The following ACKR3 variants were observed in gnomAD, a reference collection of about 807,000 sequenced individuals.
ACKR3 encodes the protein atypical chemokine receptor 3, also known as C-X-C chemokine receptor type 7.
A neutral mutation model predicts 22.4 loss-of-function variants in ACKR3; 6 were observed. The observed-to-expected ratio is 0.27, with a 90% confidence interval of 0.15 to 0.53. The LOEUF (loss-of-function observed/expected upper bound fraction) is 0.53, where lower values mean the gene tolerates loss of function less well. Ranked by LOEUF, ACKR3 falls within the 20% of genes least tolerant of loss-of-function variation. The pLI is 0.96. For missense variants in ACKR3, 396 were observed against 475.2 expected (o/e 0.83, Z 1.55); for synonymous variants, 209 against 205.2 (o/e 1.02, Z -0.16).
chr2:236,563,482 C>A (rs1020704408), upstream of ACKR3, among the ~76,000 whole-genome samples: 1 of 152,152 alleles, frequency 6.6e-6, no homozygotes, highest in East Asian at 1.9e-4. Context: ...TGGGAAGATT[C>A]TTTGGTTAGA....
rs1691414508 is a variant in ACKR3 at position 236,576,523 on chromosome 2, GT to G, written c.-26-3914del. Among the ~76,000 whole-genome samples, 4 of 152,344 alleles carry G rather than the reference GT, an allele frequency of 2.6e-5. No individual in the cohort carries two copies. The South Asian group carries it at 8.3e-4, about 32-fold the overall frequency. On this transcript the variant is annotated intron_variant, in intron 1 of 1. Coordinates refer to ENST00000272928, the MANE Select transcript of ACKR3 (RefSeq NM_020311.3). The stretch of plus-strand genomic sequence containing the variant: ...AGGGGCCCTGGGTACACATTTCATA[GT>G]TTGCTCTATGAAGCTTTTGTTCCTA...
At chr2:236,544,938 T>G in the ACKR3 span, among the ~76,000 whole-genome samples, 1 of 152,154 alleles carries the variant, frequency 6.6e-6, no homozygotes, top group Non-Finnish European at 1.5e-5. The surrounding 1 kb of genome is among the most constrained non-coding windows in gnomAD (Gnocchi z 5.0). Flanking sequence ...CTTGGATATA[T>G]TTGTAGAAAA....
At chr2:236,549,983 C>T in the ACKR3 span, among the ~76,000 whole-genome samples, 1 of 152,176 alleles carries the variant, frequency 6.6e-6, no homozygotes, top group African/African-American at 2.4e-5. This position sits in a 1 kb window ranked among gnomAD's most constrained non-coding sequence, Gnocchi z 5.3. Context: ...CTGTGAGGGC[C>T]TATGCTAAGG....
At chr2:236,568,080 G>A (rs567442157), upstream of ACKR3, among the ~76,000 whole-genome samples, 1 of 152,238 alleles carries the variant, frequency 6.6e-6, no homozygotes, top group Non-Finnish European at 1.5e-5. Flanking sequence ...AAAAAACTGC[G>A]TTGCCTTTTC....
rs147358005 is a variant in ACKR3 at position 236,580,988 on chromosome 2, G to A, written c.523G>A (p.Val175Met). The A allele has an allele frequency of 2.5e-4, 405 of 1,613,974 alleles. 1 individual carries two copies. The highest frequency in any genetic ancestry group is 3.0e-4 in the Non-Finnish European group (354 of 1,180,044). The change falls in exon 2 of 2, where the codon GTG becomes ATG. Residue 175 changes from valine (V) to methionine (M), a missense_variant. Transcript: ENST00000272928. ...CILVWLLAFC[V>M]SLPDTYYLKT... ...CCTGGTGTGGCTGCTGGCCTTCTGC[G>A]TGTCTCTGCCTGACACCTACTACCT...
chr2:236,562,669 C>T, the ACKR3 span, among the ~76,000 whole-genome samples: 9 of 151,776 alleles, frequency 5.9e-5, no homozygotes, highest in South Asian at 4.2e-4. Flanking sequence ...TAGACTGCAA[C>T]GAGATAAGTT....
intron 1 of ACKR3, among the ~76,000 whole-genome samples, chr2:236,573,820 C>A (rs1691355525): frequency 6.6e-6 from 1 of 152,210 alleles, no homozygotes; most frequent in Admixed American, 6.5e-5. Context: ...CTAGACTGTC[C>A]TGGCTCCTGC....
At chr2:236,580,294 C>T in intron 1 of ACKR3, 146 bp from the exon 2 acceptor site, 8 of 735,476 alleles carry the variant, frequency 1.1e-5, no homozygotes, top group African/African-American at 1.8e-5. Flanking sequence ...TTTTTTTCTC[C>T]CTTCTTTGCA....
chr2:236,560,890 G>T, the ACKR3 span, among the ~76,000 whole-genome samples: 6 of 152,268 alleles, frequency 3.9e-5, no homozygotes, highest in African/African-American at 1.4e-4. Context: ...AGTATCCAAG[G>T]TAAGGAAACA....
chr2:236,553,382 T>C, the ACKR3 span, among the ~76,000 whole-genome samples: 3 of 152,190 alleles, frequency 2.0e-5, no homozygotes, highest in African/African-American at 7.2e-5. Flanking sequence ...AGATATACGC[T>C]TACAGTCCCT....
At chr2:236,565,888 T>C (rs1207682933), upstream of ACKR3, among the ~76,000 whole-genome samples, 1 of 152,124 alleles carries the variant, frequency 6.6e-6, no homozygotes, top group Non-Finnish European at 1.5e-5. Flanking sequence ...GAGCGTCCAG[T>C]CCCAGGTGAA....
Position 236,575,340 on chromosome 2 carries a change from C to A in ACKR3, c.-26-5100C>A, listed in dbSNP as rs186086885. Among the ~76,000 whole-genome samples, 685 of 152,206 alleles carry A rather than the reference C, an allele frequency of 4.5e-3. 2 individuals carry two copies. Among genetic ancestry groups the A allele is most frequent in the Non-Finnish European group, 7.8e-3 (531 of 68,016 alleles). On this transcript the variant is annotated intron_variant, in intron 1 of 1. Coordinates refer to ENST00000272928, the MANE Select transcript of ACKR3 (RefSeq NM_020311.3). ...GCACATGTATTTACATATAAAAATACACAAATGTAATTTTTGTGTTTCTTT... is the reference window on the plus strand; with the variant it reads ...GCACATGTATTTACATATAAAAATAAACAAATGTAATTTTTGTGTTTCTTT...
chr2:236,551,860 G>T, the ACKR3 span, among the ~76,000 whole-genome samples: 4 of 152,232 alleles, frequency 2.6e-5, no homozygotes, highest in East Asian at 7.7e-4. Context: ...GCTAGGAGGG[G>T]CTGGGCCCAC....
At chr2:236,539,238 TTG>T in the ACKR3 span, among the ~76,000 whole-genome samples, 9 of 150,216 alleles carry the variant, frequency 6.0e-5, no homozygotes, top group African/African-American at 9.9e-5. Context: ...ATAGACACAT[TTG>T]TGTGTGTGTG....
At chr2:236,566,364 T>C (rs1212427881), upstream of ACKR3, among the ~76,000 whole-genome samples, 1 of 152,222 alleles carries the variant, frequency 6.6e-6, no homozygotes, top group African/African-American at 2.4e-5. Context: ...AGGGACAGCG[T>C]CCTGTTCGTG....
chr2:236,578,016 A>G (rs763554483), intron 1 of ACKR3, among the ~76,000 whole-genome samples: 20 of 152,194 alleles, frequency 1.3e-4, no homozygotes, highest in Admixed American at 3.9e-4. Flanking sequence ...CCATGATGCA[A>G]ATGTGTTTCG....
At chr2:236,553,167 G>A in the ACKR3 span, among the ~76,000 whole-genome samples, 1 of 151,598 alleles carries the variant, frequency 6.6e-6, no homozygotes, top group Non-Finnish European at 1.5e-5. Flanking sequence ...CCTGGGGGGA[G>A]GGTGGGAGAG....
Position 236,581,571 on chromosome 2 carries a change from T to A in ACKR3, c.*17T>A. 6.2e-7 allele frequency: 1 copy of A among 1,602,040 alleles called. No homozygotes were observed. The highest frequency in any genetic ancestry group is 8.5e-7 in the Non-Finnish European group (1 of 1,171,846). Reference sequence around the variant, plus strand: ...ACCAAATGATCTGCCCTGGAGAGGCTCTGGGACGGGTTTACTTGTTTTTGA... The same window carrying A: ...ACCAAATGATCTGCCCTGGAGAGGCACTGGGACGGGTTTACTTGTTTTTGA... On this transcript the variant is annotated 3_prime_UTR_variant, in exon 2 of 2. Transcript: ENST00000272928. The surrounding 1 kb of genome is among the most constrained non-coding windows in gnomAD (Gnocchi z 4.4).
In ACKR3 at chr2:236,574,072, G is replaced by A. The variant is rs564431878; in HGVS notation, c.-27+4148G>A. Among the ~76,000 whole-genome samples, 1 of 152,036 alleles carries A rather than the reference G, an allele frequency of 6.6e-6. No homozygotes were observed. Among genetic ancestry groups the A allele is most frequent in the Non-Finnish European group, 1.5e-5 (1 of 67,966 alleles). On this transcript the variant is annotated intron_variant, in intron 1 of 1. Transcript: ENST00000272928. The surrounding 1 kb of genome is among the most constrained non-coding windows in gnomAD (Gnocchi z 5.6). Reference sequence around the variant, plus strand: ...ACCTTGCTCATGCCTGGGGGGTGATGGGCCTGCGTGCCTTCCCAATTAGCC... The same window carrying A: ...ACCTTGCTCATGCCTGGGGGGTGATAGGCCTGCGTGCCTTCCCAATTAGCC...
Sources: allele counts gnomAD v4.1 joint callset (sites outside exome capture counted in the v4.1 genomes callset), GRCh38; gene constraint gnomAD v4.1.1; non-coding constraint Gnocchi (gnomAD v3.1); transcripts MANE v1.5; gene names NCBI Gene and HGNC (gene_info 2026-07-23, HGNC 2026-07-21).